Variants in ZNF521 observed in about 807,000 individuals in gnomAD.
The protein encoded by ZNF521 is zinc finger protein 521, also known as LYST-interacting protein 3.
In ZNF521, 14 loss-of-function variants were observed where a neutral mutation model predicts 105.5. That is an observed-to-expected ratio of 0.13 (90% confidence interval 0.09 to 0.21). The LOEUF is 0.21. Ranked by LOEUF, ZNF521 falls within the 10% of genes least tolerant of loss-of-function variation. The probability of loss-of-function intolerance (pLI) is 1.00; values close to 1 mark genes in which losing one functional copy is unlikely to be tolerated. For synonymous variants in ZNF521, 635 were observed against 606.0 expected (o/e 1.05, Z -0.70); for missense variants, 1,233 against 1,629.7 (o/e 0.76, Z 4.19).
At chr18:25,304,897 AG>A (rs1267222498) in intron 3 of ZNF521, among the ~76,000 whole-genome samples, 1 of 152,162 alleles carries the variant, frequency 6.6e-6, no homozygotes, top group Non-Finnish European at 1.5e-5. Flanking sequence ...GCTTGCCTTA[AG>A]TGCACAGTAA....
chr18:25,210,189 C>T (rs1458897384), intron 4 of ZNF521, among the ~76,000 whole-genome samples: 1 of 152,012 alleles, frequency 6.6e-6, no homozygotes, highest in East Asian at 1.9e-4. Context: ...ATAGACTATG[C>T]CATCTGCTTT....
At chr18:25,202,995 T>C in intron 4 of ZNF521, among the ~76,000 whole-genome samples, 1 of 152,198 alleles carries the variant, frequency 6.6e-6, no homozygotes, top group Non-Finnish European at 1.5e-5. Context: ...AATGTCCTGA[T>C]AAAAAATCCA....
chr18:25,182,208 G>A (rs769352300), intron 5 of ZNF521, among the ~76,000 whole-genome samples: 1 of 152,078 alleles, frequency 6.6e-6, no homozygotes, highest in African/African-American at 2.4e-5. Flanking sequence ...TGACCACTCC[G>A]CAGCAAGCAG....
chr18:25,312,253 T>A (rs1249919560), intron 3 of ZNF521, among the ~76,000 whole-genome samples: 8 of 152,176 alleles, frequency 5.3e-5, no homozygotes, highest in Admixed American at 5.2e-4. Flanking sequence ...CAGACAGTCC[T>A]TTCATAAATC....
At chr18:25,254,308 ACTAT>A (rs1381853979) in intron 3 of ZNF521, among the ~76,000 whole-genome samples, 1 of 152,136 alleles carries the variant, frequency 6.6e-6, no homozygotes, top group Non-Finnish European at 1.5e-5. Context: ...AAGCATGTAC[ACTAT>A]CTAAGTTAAC....
At chr18:25,107,115 C>A (rs1024451147) in intron 5 of ZNF521, among the ~76,000 whole-genome samples, 8 of 152,196 alleles carry the variant, frequency 5.3e-5, no homozygotes, top group African/African-American at 1.7e-4. Flanking sequence ...CAAGCTGAGC[C>A]ATTTCACATA....
At chr18:25,300,487 A>C (rs1911575862) in intron 3 of ZNF521, among the ~76,000 whole-genome samples, 1 of 152,314 alleles carries the variant, frequency 6.6e-6, no homozygotes, top group Non-Finnish European at 1.5e-5. Context: ...TATAAACAAG[A>C]GAACAGTCTT....
chr18:25,142,093 C>T (rs990871556), intron 5 of ZNF521, among the ~76,000 whole-genome samples: 1 of 152,124 alleles, frequency 6.6e-6, no homozygotes, highest in Non-Finnish European at 1.5e-5. Flanking sequence ...CCCCATCACA[C>T]CAAAAAGGGA....
At chr18:25,207,601 TGACA>T (rs1757338212) in intron 4 of ZNF521, among the ~76,000 whole-genome samples, 1 of 152,220 alleles carries the variant, frequency 6.6e-6, no homozygotes, top group Admixed American at 6.5e-5. Context: ...GCACACTGCC[TGACA>T]GAGAGCATTT....
intron 5 of ZNF521, among the ~76,000 whole-genome samples, chr18:25,105,763 C>T (rs1258119692): frequency 6.6e-6 from 1 of 152,114 alleles, no homozygotes; most frequent in Non-Finnish European, 1.5e-5. Flanking sequence ...AAGAAAACAA[C>T]TAAATTTCAG....
At chr18:25,230,728 T>C (rs1224577267) in intron 3 of ZNF521, among the ~76,000 whole-genome samples, 1 of 152,234 alleles carries the variant, frequency 6.6e-6, no homozygotes, top group Non-Finnish European at 1.5e-5. Flanking sequence ...TGTGAAGTAC[T>C]TAACATGTCC....
intron 3 of ZNF521, among the ~76,000 whole-genome samples, chr18:25,255,802 A>G (rs1446461997): frequency 6.6e-6 from 1 of 151,944 alleles, no homozygotes. Flanking sequence ...ACTCAAAAGA[A>G]ATGAAAGCAC....
intron 3 of ZNF521, among the ~76,000 whole-genome samples, chr18:25,250,640 T>C (rs1229726770): frequency 6.6e-6 from 1 of 152,214 alleles, no homozygotes; most frequent in Non-Finnish European, 1.5e-5. Flanking sequence ...TTCCAAATAG[T>C]GAACTCCGAT....
In ZNF521 at chr18:25,071,296, T is replaced by C. The variant is rs539570686; in HGVS notation, c.3907-8555A>G. Among the ~76,000 whole-genome samples, 6 of 152,306 alleles carry C rather than the reference T, an allele frequency of 3.9e-5. No individual in the cohort carries two copies. The South Asian group carries it at 1.0e-3, about 26-fold the overall frequency. On this transcript the variant is annotated intron_variant, in intron 7 of 7. Transcript: ENST00000361524. Reference sequence around the variant, plus strand: ...GAAAGAATTCTTCTGAGATATATAATGGCATTGTTTATGTAAAGAACCAAG... The same window carrying C: ...GAAAGAATTCTTCTGAGATATATAACGGCATTGTTTATGTAAAGAACCAAG...
intron 5 of ZNF521, among the ~76,000 whole-genome samples, chr18:25,099,513 A>G (rs551074550): frequency 5.5e-4 from 83 of 152,170 alleles, no homozygotes; most frequent in Non-Finnish European, 1.0e-3. Context: ...CAGAAGAAAA[A>G]TATTATTATG....
intron 5 of ZNF521, among the ~76,000 whole-genome samples, chr18:25,110,300 T>G (rs1396546212): frequency 6.6e-6 from 1 of 152,226 alleles, no homozygotes; most frequent in African/African-American, 2.4e-5. Context: ...TCAGCGGGAC[T>G]GAGGAGGTGA....
intron 3 of ZNF521, among the ~76,000 whole-genome samples, chr18:25,320,997 A>T (rs1912905613): frequency 1.3e-5 from 2 of 152,190 alleles, no homozygotes; most frequent in African/African-American, 4.8e-5. Context: ...CATTCAGAAA[A>T]CCTTGTTAAA....
intron 5 of ZNF521, among the ~76,000 whole-genome samples, chr18:25,157,180 G>C (rs2035161930): frequency 6.6e-6 from 1 of 152,090 alleles, no homozygotes; most frequent in Admixed American, 6.6e-5. Context: ...CTGGGTGACA[G>C]AGTGAGACTC....
At chr18:25,345,628 G>T (rs902270635) in intron 2 of ZNF521, among the ~76,000 whole-genome samples, 1 of 152,210 alleles carries the variant, frequency 6.6e-6, no homozygotes, top group African/African-American at 2.4e-5. Context: ...CGTTTTGGAA[G>T]AGACTCACTG....
Sources: gnomAD v4.1 joint callset for allele counts (sites outside exome capture counted in the v4.1 genomes callset) on GRCh38, gnomAD v4.1.1 for gene constraint, MANE v1.5 for transcripts, NCBI Gene and HGNC (gene_info 2026-07-23, HGNC 2026-07-21) for gene names.